CAP2: variants seen among roughly 807,000 people sequenced by gnomAD.
CAP2 encodes adenylyl cyclase-associated protein 2.
CAP2 carries 24 observed loss-of-function variants against 57.7 expected under a neutral mutation model. That is an observed-to-expected ratio of 0.42 (90% confidence interval 0.30 to 0.58). CAP2 has a LOEUF of 0.58. Among genes scored for constraint, CAP2 ranks in the 20% least tolerant of loss-of-function variants. The probability of loss-of-function intolerance (pLI) is 0.22; values close to 1 mark genes in which losing one functional copy is unlikely to be tolerated. For missense variants in CAP2, 501 were observed against 590.3 expected, an observed-to-expected ratio of 0.85 and a Z score of 1.57; for synonymous variants, 194 against 207.2, an observed-to-expected ratio of 0.94 and a Z score of 0.55.
chr6:17,534,242 A>G (rs984707745), intron 7 of CAP2, among the ~76,000 whole-genome samples: 4 of 152,256 alleles, frequency 2.6e-5, no homozygotes, highest in Non-Finnish European at 5.9e-5. Context: ...GTTATTAAGA[A>G]AAGCCTTCTT....
At chr6:17,546,531 A>G (rs1307118710) in intron 11 of CAP2, among the ~76,000 whole-genome samples, 1 of 152,210 alleles carries the variant, frequency 6.6e-6, no homozygotes, top group Non-Finnish European at 1.5e-5. Context: ...TTTGCTGTGC[A>G]GAAGCTCTTT....
chr6:17,401,532 C>A (rs965642654), intron 1 of CAP2, among the ~76,000 whole-genome samples: 1 of 152,272 alleles, frequency 6.6e-6, no homozygotes, highest in African/African-American at 2.4e-5. Context: ...CTACTCACCC[C>A]TCTCCAGTGG....
chr6:17,485,815 A>G (rs1761404550), intron 4 of CAP2, among the ~76,000 whole-genome samples: 1 of 152,180 alleles, frequency 6.6e-6, no homozygotes, highest in Non-Finnish European at 1.5e-5. Flanking sequence ...GTAGCCCTCA[A>G]ACTACCTCTC....
intron 4 of CAP2, among the ~76,000 whole-genome samples, chr6:17,470,304 A>G (rs1760985250): frequency 6.6e-6 from 1 of 152,232 alleles, no homozygotes; most frequent in African/African-American, 2.4e-5. Flanking sequence ...TGTCTTTAAA[A>G]TAGGGATAAC....
At chr6:17,516,585 C>T (rs1044495392) in intron 7 of CAP2, among the ~76,000 whole-genome samples, 1 of 152,162 alleles carries the variant, frequency 6.6e-6, no homozygotes, top group Admixed American at 6.6e-5. Context: ...AACCAAACGC[C>T]ATCTCTTCAC....
chr6:17,521,134 G>A (rs1281965242), intron 7 of CAP2, among the ~76,000 whole-genome samples: 1 of 152,178 alleles, frequency 6.6e-6, no homozygotes, highest in Non-Finnish European at 1.5e-5. Context: ...TCATCAACTG[G>A]CTGGGCGCAG....
intron 4 of CAP2, among the ~76,000 whole-genome samples, chr6:17,476,933 G>A (rs1012719203): frequency 2.0e-4 from 27 of 132,888 alleles, no homozygotes; most frequent in African/African-American, 4.6e-4. Context: ...GTGCAGTGGC[G>A]CAATCTCGGC....
chr6:17,491,616 T>C lies in CAP2; in HGVS notation c.301-15553T>C, dbSNP rs543515932. ...GTGAACGATACGGTTTAAACCCAGATGTTTCCTGTTCCGAAGCCAATGCTT... is the reference window on the plus strand; with the variant it reads ...GTGAACGATACGGTTTAAACCCAGACGTTTCCTGTTCCGAAGCCAATGCTT... On this transcript the variant is annotated intron_variant, in intron 4 of 12. Coordinates refer to ENST00000229922, the MANE Select transcript of CAP2 (RefSeq NM_006366.3). Among the ~76,000 whole-genome samples, 54 of 152,298 alleles carry C rather than the reference T, an allele frequency of 3.5e-4. 1 individual carries two copies. Among genetic ancestry groups the C allele is most frequent in the Admixed American group, 1.7e-3 (26 of 15,290 alleles).
intron 3 of CAP2, among the ~76,000 whole-genome samples, chr6:17,446,667 G>T (rs1222664588): frequency 6.6e-6 from 1 of 152,218 alleles, no homozygotes; most frequent in Non-Finnish European, 1.5e-5. Context: ...AAACATCCAT[G>T]TCTTTTGAAC....
At chr6:17,472,662 G>A (rs189788516) in intron 4 of CAP2, among the ~76,000 whole-genome samples, 52 of 152,170 alleles carry the variant, frequency 3.4e-4, no homozygotes, top group African/African-American at 1.2e-3. Context: ...AGCATGTGAC[G>A]GCTACTGCCC....
chr6:17,554,344 C>T (rs1177910393), intron 12 of CAP2, among the ~76,000 whole-genome samples: 4 of 152,220 alleles, frequency 2.6e-5, no homozygotes, highest in Admixed American at 1.3e-4. Flanking sequence ...GGATTACCAT[C>T]CCCACTCCTG....
At chr6:17,463,100 T>G in intron 4 of CAP2, 27 bp downstream of exon 4, 1 of 1,508,012 alleles carries the variant, frequency 6.6e-7, no homozygotes, top group Non-Finnish European at 9.2e-7. Context: ...AGAGGGAAGG[T>G]GTCCCAGGGT....
rs150990885 is a variant in CAP2, at chr6:17,414,186, A to G, written c.-1-7369A>G. On this transcript the variant is annotated intron_variant, in intron 1 of 12. Transcript: ENST00000229922. ...TTTATTTTTTGCAGAGAGTTCACAT[A>G]TAAACCAGTTGCCCAGCCTCACTAT... Among the ~76,000 whole-genome samples the G allele has an allele frequency of 1.4e-3, 216 of 152,286 alleles. 2 individuals carry two copies. The highest frequency in any genetic ancestry group is 5.0e-3 in the African/African-American group (207 of 41,532).
rs114821442 is a variant in CAP2 at position 17,399,500 on chromosome 6, G to A, written c.-2+5754G>A. ...GGGATTGTTTCCCTTTCAGTATACA[G>A]CCCTATACAGAAAGGGACATAGGAC... On this transcript the variant is annotated intron_variant, in intron 1 of 12. Coordinates refer to ENST00000229922, the MANE Select transcript of CAP2 (RefSeq NM_006366.3). Among the ~76,000 whole-genome samples, 1,492 of 152,210 alleles carry A rather than the reference G, an allele frequency of 9.8e-3. 23 individuals carry two copies. The highest frequency in any genetic ancestry group is 0.034 in the African/African-American group (1,415 of 41,520).
intron 1 of CAP2, among the ~76,000 whole-genome samples, chr6:17,413,375 A>C (rs1156249341): frequency 6.6e-6 from 1 of 152,220 alleles, no homozygotes. Context: ...AATGCTCTAT[A>C]GGAGAGTAAG....
rs1455699332 is a variant in CAP2, at chr6:17,400,023, A to C, written c.-2+6277A>C. On this transcript the variant is annotated intron_variant, in intron 1 of 12. Transcript: ENST00000229922. ...ATCACAAGGTCAGGAGATTGAGACC[A>C]TGCTGGCTAACACGGTGAAACCCCA... is the stretch of plus-strand genomic sequence containing the variant. Among the ~76,000 whole-genome samples, 4 of 151,946 alleles carry C rather than the reference A, an allele frequency of 2.6e-5. No individual in the cohort carries two copies. The South Asian group carries it at 8.3e-4, about 32-fold the overall frequency.
intron 7 of CAP2, among the ~76,000 whole-genome samples, chr6:17,519,181 C>T (rs920434689): frequency 6.6e-6 from 1 of 152,164 alleles, no homozygotes; most frequent in Non-Finnish European, 1.5e-5. Flanking sequence ...TCATCCTTCC[C>T]TGAGTTAACA....
intron 4 of CAP2, among the ~76,000 whole-genome samples, chr6:17,491,842 C>T (rs1223901113): frequency 2.6e-5 from 4 of 152,296 alleles, no homozygotes; most frequent in East Asian, 3.9e-4. Flanking sequence ...AAGTACAGTG[C>T]GTGATTTATA....
At position 17,420,517 on chromosome 6, in the gene CAP2, G is replaced by A. The variant is rs566310596; in HGVS notation, c.-1-1038G>A. Among the ~76,000 whole-genome samples, 291 of 152,300 alleles carry A rather than the reference G, an allele frequency of 1.9e-3. 1 individual carries two copies. The highest frequency in any genetic ancestry group is 3.4e-3 in the Middle Eastern group (1 of 294). On this transcript the variant is annotated intron_variant, in intron 1 of 12. Coordinates refer to ENST00000229922, the MANE Select transcript of CAP2 (RefSeq NM_006366.3). ...AAACTCAGTTCTCCTGGGCAGGGTT[G>A]TTTGGTTTTATGTAATTGAGTAAAC...
Sources: gnomAD v4.1 joint callset for allele counts (sites outside exome capture counted in the v4.1 genomes callset) on GRCh38, gnomAD v4.1.1 for gene constraint, MANE v1.5 for transcripts, NCBI Gene and HGNC (gene_info 2026-07-23, HGNC 2026-07-21) for gene names.